Variants in IQGAP2 observed in about 807,000 individuals in gnomAD.
IQGAP2 encodes IQ motif containing GTPase activating protein 2.
Under a neutral mutation model 201.3 loss-of-function variants are expected in IQGAP2, and 173 were observed. The ratio of observed to expected loss-of-function variants is 0.86; its 90% CI spans 0.76 to 0.98. The LOEUF (loss-of-function observed/expected upper bound fraction) is 0.98. IQGAP2 is among the 50% of genes least tolerant of loss of function. IQGAP2 has a pLI of 0.00. For synonymous variants in IQGAP2, 675 were observed against 673.9 expected (o/e 1.00, Z -0.03); for missense variants, 1,687 against 1,864.8 (o/e 0.90, Z 1.76).
intron 16 of IQGAP2, among the ~76,000 whole-genome samples, chr5:76,638,490 T>C (rs1712072065): frequency 6.6e-6 from 1 of 152,174 alleles, no homozygotes; most frequent in Non-Finnish European, 1.5e-5. Flanking sequence ...GATTCCCCCA[T>C]GTGCCTTGTC....
intron 13 of IQGAP2, among the ~76,000 whole-genome samples, chr5:76,612,225 G>A (rs543956515): frequency 1.3e-5 from 2 of 152,180 alleles, no homozygotes; most frequent in East Asian, 1.9e-4. Context: ...GCTCACACCT[G>A]TAATCCCAGC....
chr5:76,658,785 C>G, intron 21 of IQGAP2, 118 bp downstream of exon 21: 3 of 854,524 alleles, frequency 3.5e-6, no homozygotes, highest in Admixed American at 2.4e-5. Flanking sequence ...TGATTTCATC[C>G]TGATGCAAAC....
In IQGAP2 at chr5:76,707,451, A is replaced by G. The variant is rs1748005144; in HGVS notation, c.*138A>G. 1.6e-6 allele frequency: 1 copy of G among 632,706 alleles called. No homozygotes were observed. Among genetic ancestry groups the G allele is most frequent in the Non-Finnish European group, 2.8e-6 (1 of 357,278 alleles). 39.2% of individuals were successfully genotyped at this position (632,706 alleles called of 1,614,324 possible). A position where few individuals can be genotyped will look rare whatever the true frequency, so the allele number is the denominator to read the frequency against. ...TTTAAAACGACCAAAACTGTTCTGA[A>G]GAATGTACCCAGGTGCCTTTTTGCT... On this transcript the variant is annotated 3_prime_UTR_variant, in exon 36 of 36. Coordinates refer to ENST00000274364, the MANE Select transcript of IQGAP2 (RefSeq NM_006633.5).
At chr5:76,418,370 T>A (rs569046943) in intron 1 of IQGAP2, among the ~76,000 whole-genome samples, 2 of 152,232 alleles carry the variant, frequency 1.3e-5, no homozygotes, top group South Asian at 2.1e-4. Context: ...TACTACGAAG[T>A]GTGAATTTTG....
At chr5:76,689,230 T>TTAAAAAAAAAAAA (rs566505116) in intron 30 of IQGAP2, among the ~76,000 whole-genome samples, 6 of 86,490 alleles carry the variant, frequency 6.9e-5, no homozygotes, top group South Asian at 5.2e-4. Context: ...CAGGGATATT[T>TTAAAAAAAAAAAA]AAAAAAAAAA....
Position 76,701,173 on chromosome 5 carries a change from A to G in IQGAP2, c.4465A>G (p.Lys1489Glu), listed in dbSNP as rs1747352084. 6 of 1,614,250 alleles carry G rather than the reference A, an allele frequency of 3.7e-6. No individual in the cohort carries two copies. Among genetic ancestry groups the G allele is most frequent in the Non-Finnish European group, 5.1e-6 (6 of 1,180,024 alleles). ...VKYTAAKLHE[K>E]GVLLDIDDLQ... ...GTACACTGCAGCAAAGCTGCATGAG[A>G]AAGGTGTCCTGCTAGATATAGATGA... The change falls in exon 34 of 36, where the codon AAA (lysine) becomes GAA (glutamate). Residue 1489 changes from lysine to glutamate, a missense_variant. Transcript: ENST00000274364.
chr5:76,642,707 C>T (rs1258912671), intron 17 of IQGAP2, among the ~76,000 whole-genome samples: 1 of 152,162 alleles, frequency 6.6e-6, no homozygotes, highest in Non-Finnish European at 1.5e-5. Context: ...CTGTGAGCTT[C>T]CTAGCTGGCT....
chr5:76,646,885 T>C (rs1319193214), intron 17 of IQGAP2, among the ~76,000 whole-genome samples: 1 of 152,228 alleles, frequency 6.6e-6, no homozygotes, highest in Non-Finnish European at 1.5e-5. Flanking sequence ...ATCTTTATTC[T>C]ATTGTGTTGT....
chr5:76,420,707 T>G (rs1751685580), intron 1 of IQGAP2, among the ~76,000 whole-genome samples: 1 of 152,098 alleles, frequency 6.6e-6, no homozygotes. Flanking sequence ...AAACTGAAAC[T>G]CCATACACAT....
At chr5:76,656,506 G>A (rs1233247926) in intron 20 of IQGAP2, among the ~76,000 whole-genome samples, 1 of 151,926 alleles carries the variant, frequency 6.6e-6, no homozygotes, top group Non-Finnish European at 1.5e-5. Context: ...TTTAAAGAAG[G>A]CTAAAGAGGA....
Position 76,552,820 on chromosome 5 carries a change from CT to C in IQGAP2, c.147-9575del, listed in dbSNP as rs560816180. Among the ~76,000 whole-genome samples the C allele has an allele frequency of 1.3e-3, 196 of 152,288 alleles. 1 individual carries two copies. The highest frequency in any genetic ancestry group is 4.5e-3 in the African/African-American group (186 of 41,550). On this transcript the variant is annotated intron_variant, in intron 2 of 35. Coordinates refer to ENST00000274364, the MANE Select transcript of IQGAP2 (RefSeq NM_006633.5). ...ACAGATTATACTATATCATCTCCCCCTGAAAGAGAAGAGTGAGACATAAGTC... is the reference window on the plus strand; with the variant it reads ...ACAGATTATACTATATCATCTCCCCCGAAAGAGAAGAGTGAGACATAAGTC...
intron 6 of IQGAP2, 132 bp from the exon 7 acceptor site, chr5:76,589,483 C>A: frequency 1.9e-6 from 1 of 534,626 alleles, no homozygotes; most frequent in Non-Finnish European, 3.3e-6. Flanking sequence ...TAGGTTCTTC[C>A]TAAGGCTCTT....
At chr5:76,460,489 C>G (rs1754381418) in intron 1 of IQGAP2, among the ~76,000 whole-genome samples, 1 of 152,030 alleles carries the variant, frequency 6.6e-6, no homozygotes, top group Admixed American at 6.5e-5. Context: ...GAAGACGCTT[C>G]TGTTGGCCAT....
intron 1 of IQGAP2, among the ~76,000 whole-genome samples, chr5:76,410,803 T>G (rs1351933537): frequency 1.3e-5 from 2 of 152,212 alleles, no homozygotes; most frequent in Non-Finnish European, 2.9e-5. Flanking sequence ...CCAGTTTTAT[T>G]GAAGAATGAC....
chr5:76,487,151 T>G (rs911349366), intron 2 of IQGAP2, among the ~76,000 whole-genome samples: 2 of 150,840 alleles, frequency 1.3e-5, no homozygotes, highest in Non-Finnish European at 2.9e-5. Flanking sequence ...CAGGCTGGAG[T>G]GCAGTGGCAC....
chr5:76,553,534 C>T (rs889507954), intron 2 of IQGAP2, among the ~76,000 whole-genome samples: 3 of 152,174 alleles, frequency 2.0e-5, no homozygotes, highest in African/African-American at 4.8e-5. Flanking sequence ...AAACAACTTT[C>T]GTATGTTCTG....
At chr5:76,647,509 G>A (rs866699168) in intron 17 of IQGAP2, among the ~76,000 whole-genome samples, 1 of 60,000 alleles carries the variant, frequency 1.7e-5, no homozygotes, top group Non-Finnish European at 3.4e-5. Flanking sequence ...TCTTGTGGTA[G>A]TGAATAAGTC....
chr5:76,644,295 C>CTTTTT lies in IQGAP2; in HGVS notation c.2094+3210_2094+3214dup, dbSNP rs547155944. ...AATGAGACTGCCATTTTTGTAAATCCTTTTTTTTTTTTTTTTTTTTTTGAG... is the reference window on the plus strand; with the variant it reads ...AATGAGACTGCCATTTTTGTAAATCCTTTTTTTTTTTTTTTTTTTTTTTTTTTGAG... On this transcript the variant is annotated intron_variant, in intron 17 of 35. Transcript: ENST00000274364. Among the ~76,000 whole-genome samples the CTTTTT allele has an allele frequency of 5.7e-3, 273 of 47,728 alleles. 43 individuals are homozygous for CTTTTT. Among genetic ancestry groups the CTTTTT allele is most frequent in the African/African-American group, 0.012 (167 of 13,838 alleles). 31.3% of individuals were successfully genotyped at this position (47,728 alleles called of 152,430 possible). A position where few individuals can be genotyped will look rare whatever the true frequency, so the allele number is the denominator to read the frequency against.
chr5:76,543,132 A>G (rs974551412), intron 2 of IQGAP2, among the ~76,000 whole-genome samples: 1 of 152,130 alleles, frequency 6.6e-6, no homozygotes, highest in Non-Finnish European at 1.5e-5. Context: ...CAGCCATGAA[A>G]TGGAGGCATT....
Sources: allele counts gnomAD v4.1 joint callset (sites outside exome capture counted in the v4.1 genomes callset), GRCh38; gene constraint gnomAD v4.1.1; transcripts MANE v1.5; gene names NCBI Gene and HGNC (gene_info 2026-07-23, HGNC 2026-07-21).